GRAP: variants seen among roughly 807,000 people sequenced by gnomAD.
GRAP encodes GRB2-related adapter protein.
A neutral mutation model predicts 9.1 loss-of-function variants in GRAP; 2 were observed. That is an observed-to-expected ratio of 0.22 (90% confidence interval 0.09 to 0.69). The LOEUF is 0.69. GRAP is among the 30% of genes least tolerant of loss of function. The probability of loss-of-function intolerance (pLI) is 0.81; values close to 1 mark genes in which losing one functional copy is unlikely to be tolerated. For missense variants in GRAP, 113 were observed against 179.4 expected (o/e 0.63, Z 2.12); for synonymous variants, 68 against 73.6 (o/e 0.92, Z 0.39).
At chr17:19,025,483 C>T (rs1408001434) in intron 3 of GRAP, among the ~76,000 whole-genome samples, 1 of 139,588 alleles carries the variant, frequency 7.2e-6, no homozygotes, top group African/African-American at 2.7e-5. Context: ...TGAGCCACTG[C>T]GCCCAGCCAC....
In GRAP at chr17:19,024,150, TC is replaced by T. The variant is rs1313392629; in HGVS notation, c.468+64del. ...CGTGCTTGGCCTCAGTGTCAGCATC[TC>T]CCCTGCTGCAGATGGCAGGAGGTGC... On this transcript the variant is annotated intron_variant, in intron 4 of 4. Transcript: ENST00000284154. The surrounding 1 kb of genome is among the most constrained non-coding windows in gnomAD (Gnocchi z 4.2). The T allele has an allele frequency of 3.4e-6, 5 of 1,462,568 alleles. No homozygotes were observed. The highest frequency in any genetic ancestry group is 3.7e-6 in the Non-Finnish European group (4 of 1,070,064). 90.6% of individuals were successfully genotyped at this position (1,462,568 alleles called of 1,614,324 possible).
At position 19,021,681 on chromosome 17, in the gene GRAP, G is replaced by T; in HGVS notation, c.*278C>A. 2.5e-6 allele frequency: 1 copy of T among 398,522 alleles called. No homozygotes were observed. Among genetic ancestry groups the T allele is most frequent in the Non-Finnish European group, 4.4e-6 (1 of 226,508 alleles). The allele number at this position is 398,522 out of a possible 1,614,324, so 24.7% of individuals were successfully genotyped here. A position where few individuals can be genotyped will look rare whatever the true frequency, so the allele number is the denominator to read the frequency against. ...GCCATTGACAAGAGGAGGTGGGCGG[G>T]GCCTCCACAGACTCCGCCCTGTGGT... On this transcript the variant is annotated 3_prime_UTR_variant, in exon 5 of 5. Coordinates refer to ENST00000284154, the MANE Select transcript of GRAP (RefSeq NM_006613.4). The surrounding 1 kb of genome is among the most constrained non-coding windows in gnomAD (Gnocchi z 4.1).
Position 19,021,987 on chromosome 17 carries a change from C to T in GRAP, c.626G>A (p.Arg209Gln), listed in dbSNP as rs1366733459. ...RSCGRVGFFP[R>Q]SYVQPVHL is the part of the protein sequence containing the mutation. ...CAGGTGCACGGGCTGCACGTAACTCCGTGGGAAGAAGCCAACGCGCCCGCA... is the reference window on the plus strand; with the variant it reads ...CAGGTGCACGGGCTGCACGTAACTCTGTGGGAAGAAGCCAACGCGCCCGCA... The change falls in exon 5 of 5, where the codon CGG becomes CAG. Residue 209 changes from arginine to glutamine, a missense_variant. By Grantham distance (43) the Arg-to-Gln change is conservative. Coordinates refer to ENST00000284154, the MANE Select transcript of GRAP (RefSeq NM_006613.4). The surrounding 1 kb of genome is among the most constrained non-coding windows in gnomAD (Gnocchi z 4.1). 8 of 1,581,714 alleles carry T rather than the reference C, an allele frequency of 5.1e-6. 1 individual carries two copies. In the Admixed American group the frequency reaches 5.4e-5, roughly 11 times the overall value.
chr17:19,023,368 C>T (rs192191761), intron 4 of GRAP, among the ~76,000 whole-genome samples: 33 of 152,258 alleles, frequency 2.2e-4, no homozygotes, highest in African/African-American at 7.5e-4. Context: ...TTCTCTTCAG[C>T]GGTTATCAGC....
rs1192648792 is a variant in GRAP, at chr17:19,029,809, G to A, written c.300-5426C>T. ...TCTGAGTCCAGATGGCCCCGGAACC[G>A]GGAGGGCTGGATCCAGTGCAGCCGG... is the stretch of plus-strand genomic sequence containing the variant. On this transcript the variant is annotated intron_variant, in intron 3 of 4. Coordinates refer to ENST00000284154, the MANE Select transcript of GRAP (RefSeq NM_006613.4). Among the ~76,000 whole-genome samples, 23 of 25,846 alleles carry A rather than the reference G, an allele frequency of 8.9e-4. 1 individual carries two copies. The highest frequency in any genetic ancestry group is 2.8e-3 in the African/African-American group (22 of 7,952). 17.0% of individuals were successfully genotyped at this position (25,846 alleles called of 152,430 possible).
Position 19,024,546 on chromosome 17 carries a change from T to C in GRAP, c.300-163A>G. 4 of 781,994 alleles carry C rather than the reference T, an allele frequency of 5.1e-6. No homozygotes were observed. Among genetic ancestry groups the C allele is most frequent in the South Asian group, 1.2e-4 (2 of 17,294 alleles). 48.4% of individuals were successfully genotyped at this position (781,994 alleles called of 1,614,324 possible). On this transcript the variant is annotated intron_variant, in intron 3 of 4. Transcript: ENST00000284154. The surrounding 1 kb of genome is among the most constrained non-coding windows in gnomAD (Gnocchi z 4.2). ...GAGGCCCCACTGACCCAGCTCCACA[T>C]GGGGTCTGGGGAGTCCCATCTGGCA...
At chr17:19,022,804 C>T (rs1025786375) in intron 4 of GRAP, among the ~76,000 whole-genome samples, 2 of 152,194 alleles carry the variant, frequency 1.3e-5, no homozygotes, top group African/African-American at 2.4e-5. Flanking sequence ...CCCTGCCTGC[C>T]CACCAAGATC....
At position 19,021,613 on chromosome 17, in the gene GRAP, A is replaced by G; in HGVS notation, c.*346T>C. 1 of 390,002 alleles carries G rather than the reference A, an allele frequency of 2.6e-6. No individual in the cohort carries two copies. The highest frequency in any genetic ancestry group is 4.5e-6 in the Non-Finnish European group (1 of 220,966). The allele number at this position is 390,002 out of a possible 1,614,324, so 24.2% of individuals were successfully genotyped here. A position where few individuals can be genotyped will look rare whatever the true frequency, so the allele number is the denominator to read the frequency against. Reference sequence around the variant, plus strand: ...CCAGGGTTCCTTAGGTTGAGCCTCCAGTGGGTGAAACCTGGGAGTCCTCAA... The same window carrying G: ...CCAGGGTTCCTTAGGTTGAGCCTCCGGTGGGTGAAACCTGGGAGTCCTCAA... On this transcript the variant is annotated 3_prime_UTR_variant, in exon 5 of 5. Transcript: ENST00000284154. The surrounding 1 kb of genome is among the most constrained non-coding windows in gnomAD (Gnocchi z 4.1).
intron 4 of GRAP, among the ~76,000 whole-genome samples, chr17:19,022,862 G>A (rs2044283870): frequency 6.6e-6 from 1 of 152,224 alleles, no homozygotes; most frequent in Admixed American, 6.5e-5. Flanking sequence ...GATAGGATCA[G>A]CAGAGAAGCT....
At position 19,021,789 on chromosome 17, in the gene GRAP, T is replaced by A. The variant is rs2044268235; in HGVS notation, c.*170A>T. On this transcript the variant is annotated 3_prime_UTR_variant, in exon 5 of 5. Coordinates refer to ENST00000284154, the MANE Select transcript of GRAP (RefSeq NM_006613.4). The surrounding 1 kb of genome is among the most constrained non-coding windows in gnomAD (Gnocchi z 4.1). ...TGCTGGGTACCCTTGCTGGGGGACC[T>A]GGGCCATCCCAGTTTGTGCAGAGCG... 5.2e-6 allele frequency: 3 copies of A among 573,202 alleles called. No homozygotes were observed. Among genetic ancestry groups the A allele is most frequent in the Non-Finnish European group, 7.9e-6 (3 of 378,680 alleles). The allele number at this position is 573,202 out of a possible 1,614,324, so 35.5% of individuals were successfully genotyped here.
chr17:19,050,124 AAAAC>A (rs1236136875), upstream of GRAP, among the ~76,000 whole-genome samples: 1 of 40,428 alleles, frequency 2.5e-5, no homozygotes, highest in African/African-American at 6.8e-5. Flanking sequence ...AAAAAAAAAA[AAAAC>A]AAAAAAACAA....
chr17:19,042,055 C>T (rs542726523), intron 1 of GRAP, 151 bp from the exon 2 acceptor site: 1 of 755,710 alleles, frequency 1.3e-6, no homozygotes, highest in African/African-American at 1.6e-5. Flanking sequence ...TGGGACAGGA[C>T]TTGCCCACGG....
chr17:19,027,456 T>C (rs1271584371), intron 3 of GRAP, among the ~76,000 whole-genome samples: 1 of 141,152 alleles, frequency 7.1e-6, no homozygotes, highest in South Asian at 2.7e-4. Context: ...ACTTGATGCC[T>C]TGATGGGACA....
chr17:19,024,375 T>C lies in GRAP; in HGVS notation c.308A>G (p.Asp103Gly), dbSNP rs1597925840. ...GEFSVSVNYGDQVQHFKVLRE... is the reference protein window; with the variant it reads ...GEFSVSVNYGGQVQHFKVLRE... ...CAGCACCTTGAAGTGCTGCACCTGG[T>C]CTCCATAGCTAGGGGAAAGGACCCG... The change falls in exon 4 of 5, where the codon GAC becomes GGC. Residue 103 changes from aspartate to glycine, a missense_variant. Physicochemically the swap from Asp to Gly is moderately conservative, Grantham distance 94. Transcript: ENST00000284154. The surrounding 1 kb of genome is among the most constrained non-coding windows in gnomAD (Gnocchi z 4.2). 1 of 1,611,112 alleles carries C rather than the reference T, an allele frequency of 6.2e-7. No homozygotes were observed. Among genetic ancestry groups the C allele is most frequent in the African/African-American group, 1.3e-5 (1 of 74,838 alleles).
Position 19,024,271 on chromosome 17 carries a change from T to A in GRAP, c.412A>T (p.Thr138Ser), listed in dbSNP as rs562078975. The change falls in exon 4 of 5, where the codon ACC (threonine) becomes TCC (serine). Residue 138 changes from threonine to serine, a missense_variant. Thr to Ser is a moderately conservative substitution (Grantham distance 58, BLOSUM62 1). Coordinates refer to ENST00000284154, the MANE Select transcript of GRAP (RefSeq NM_006613.4). This position sits in a 1 kb window ranked among gnomAD's most constrained non-coding sequence, Gnocchi z 4.2. ...ATCTGCCGCTTCTTGGCGATGGTGG[T>A]GGTGCGGTAGAAGTCGACCAGCTCG... is the stretch of plus-strand genomic sequence containing the variant. ...LNELVDFYRT[T>S]TIAKKRQIFL... is the part of the protein sequence containing the mutation. 6.2e-7 allele frequency: 1 copy of A among 1,606,678 alleles called. No individual in the cohort carries two copies. The highest frequency in any genetic ancestry group is 2.2e-5 in the East Asian group (1 of 44,506).
Position 19,021,942 on chromosome 17 carries a change from A to T in GRAP, c.*17T>A. Reference sequence around the variant, plus strand: ...TCCTGTAAAAAGGCCCGTTGGCCAGATCGGCCGCCGGGCTGCTCACAGGTG... The same window carrying T: ...TCCTGTAAAAAGGCCCGTTGGCCAGTTCGGCCGCCGGGCTGCTCACAGGTG... On this transcript the variant is annotated 3_prime_UTR_variant, in exon 5 of 5. Transcript: ENST00000284154. The surrounding 1 kb of genome is among the most constrained non-coding windows in gnomAD (Gnocchi z 4.1). The T allele has an allele frequency of 2.0e-6, 3 of 1,496,168 alleles. No individual in the cohort carries two copies. The highest frequency in any genetic ancestry group is 2.7e-6 in the Non-Finnish European group (3 of 1,123,784). The allele number at this position is 1,496,168 out of a possible 1,614,324, so 92.7% of individuals were successfully genotyped here.
At chr17:19,022,578 G>C (rs2044281113) in intron 4 of GRAP, 1 of 162,284 alleles carries the variant, frequency 6.2e-6, no homozygotes. Flanking sequence ...TAAGAGTCGT[G>C]TTTATTGCTC....
chr17:19,031,433 C>T (rs1426532390), intron 3 of GRAP: 9 of 121,322 alleles, frequency 7.4e-5, no homozygotes, highest in Non-Finnish European at 1.4e-4. Flanking sequence ...TCAGGTCACC[C>T]GGCTTCCCAG....
In GRAP at chr17:19,024,934, G is replaced by A. The variant is rs1245608769; in HGVS notation, c.300-551C>T. ...AGCTCAGACCTGTTGAATGTCTCACGTCCTCCCCCTCCCATGAACCTTCCG... is the reference window on the plus strand; with the variant it reads ...AGCTCAGACCTGTTGAATGTCTCACATCCTCCCCCTCCCATGAACCTTCCG... On this transcript the variant is annotated intron_variant, in intron 3 of 4. Coordinates refer to ENST00000284154, the MANE Select transcript of GRAP (RefSeq NM_006613.4). The surrounding 1 kb of genome is among the most constrained non-coding windows in gnomAD (Gnocchi z 4.2). 6.6e-6 allele frequency among the ~76,000 whole-genome samples: 1 copy of A among 152,064 alleles called. No individual in the cohort carries two copies. The highest frequency in any genetic ancestry group is 1.5e-5 in the Non-Finnish European group (1 of 68,026).
Sources: gnomAD v4.1 joint callset for allele counts (sites outside exome capture counted in the v4.1 genomes callset) on GRCh38, gnomAD v4.1.1 for gene constraint, Gnocchi (gnomAD v3.1) non-coding constraint, MANE v1.5 for transcripts, NCBI Gene and HGNC (gene_info 2026-07-23, HGNC 2026-07-21) for gene names.